Variants in CSF2RA observed in about 807,000 individuals in gnomAD.
CSF2RA encodes the protein granulocyte-macrophage colony-stimulating factor receptor subunit alpha.
CSF2RA carries 42 observed loss-of-function variants against 51.6 expected under a neutral mutation model. The observed-to-expected ratio is 0.81, with a 90% CI of 0.64 to 1.05. The LOEUF (loss-of-function observed/expected upper bound fraction) is 1.05. Among genes scored for constraint, CSF2RA ranks in the 50% least tolerant of loss-of-function variants. The pLI, the probability that CSF2RA is intolerant of heterozygous loss-of-function variation, is 0.00. For synonymous variants in CSF2RA, 222 were observed against 193.0 expected (o/e 1.15, Z -1.24); for missense variants, 530 against 501.1 (o/e 1.06, Z -0.55).
In CSF2RA at chrX:1,292,758, C is replaced by T. The variant is rs760835105; in HGVS notation, c.647-1570C>T. 2.6e-5 allele frequency among the ~76,000 whole-genome samples: 4 copies of T among 152,248 alleles called. No homozygotes were observed. The East Asian group carries it at 7.7e-4, about 29-fold the overall frequency. Reference sequence around the variant, plus strand: ...TGTACGATCGGGTTTTACACGGAGACATTCCATTCCCAGGGGCAGGCAGGA... The same window carrying T: ...TGTACGATCGGGTTTTACACGGAGATATTCCATTCCCAGGGGCAGGCAGGA... On this transcript the variant is annotated intron_variant, in intron 7 of 12. Transcript: ENST00000381529.
At chrX:1,318,434 A>T in the CSF2RA span, among the ~76,000 whole-genome samples, 2 of 149,412 alleles carry the variant, frequency 1.3e-5, no homozygotes, top group Non-Finnish European at 3.0e-5. Flanking sequence ...AAGTGCTGGG[A>T]TTACAGGCGT....
chrX:1,313,965 T>A (rs772491147), downstream of CSF2RA, among the ~76,000 whole-genome samples: 5 of 152,244 alleles, frequency 3.3e-5, no homozygotes, highest in East Asian at 9.6e-4. Flanking sequence ...CACTCCGGCC[T>A]GGGTGACAGG....
chrX:1,309,333 A>G, intron 12 of CSF2RA, 69 bp from the exon 13 acceptor site: 3 of 1,477,896 alleles, frequency 2.0e-6, no homozygotes, highest in Non-Finnish European at 1.9e-6. Flanking sequence ...AAAAGAAAAT[A>G]AACACAGCCC....
At chrX:1,289,943 TTG>T (rs2091214497) in intron 6 of CSF2RA, among the ~76,000 whole-genome samples, 2 of 151,574 alleles carry the variant, frequency 1.3e-5, no homozygotes, top group Non-Finnish European at 1.5e-5. Context: ...TTTTGTGTTT[TTG>T]TGTTTTGTTT....
intron 12 of CSF2RA, among the ~76,000 whole-genome samples, chrX:1,308,619 G>A (rs2083914634): frequency 1.3e-5 from 2 of 152,014 alleles, no homozygotes; most frequent in South Asian, 2.1e-4. Context: ...TGCCACATAG[G>A]TAACATCCTC....
chrX:1,309,317 G>C (rs1334336486), intron 12 of CSF2RA, 85 bp from the exon 13 acceptor site: 3 of 1,379,568 alleles, frequency 2.2e-6, no homozygotes, highest in African/African-American at 2.9e-5. Flanking sequence ...TCCGTCTCGA[G>C]GGAGAAAAAG....
intron 4 of CSF2RA, among the ~76,000 whole-genome samples, chrX:1,286,936 G>A (rs1233768059): frequency 5.3e-5 from 8 of 151,986 alleles, no homozygotes; most frequent in South Asian, 4.2e-4. Context: ...ACAGAAGAGC[G>A]GGGAGAGGGG....
At chrX:1,293,492 T>G (rs1253664389) in intron 7 of CSF2RA, among the ~76,000 whole-genome samples, 4 of 146,940 alleles carry the variant, frequency 2.7e-5, no homozygotes, top group Admixed American at 1.4e-4. Context: ...GTGCTGGGAT[T>G]ACAGGCGTGA....
the CSF2RA span, among the ~76,000 whole-genome samples, chrX:1,317,680 G>A: frequency 2.0e-5 from 3 of 150,636 alleles, no homozygotes; most frequent in South Asian, 2.1e-4. Context: ...TAACGTGCAC[G>A]CACAGAAGCC....
chrX:1,305,215 A>ACTCTTG (rs1197099104), intron 11 of CSF2RA, among the ~76,000 whole-genome samples: 16 of 139,600 alleles, frequency 1.1e-4, no homozygotes, highest in African/African-American at 3.8e-4. Flanking sequence ...GCTGGTCTCA[A>ACTCTTG]ACCTCAAGTG....
At chrX:1,292,893 C>A (rs1249920040) in intron 7 of CSF2RA, among the ~76,000 whole-genome samples, 2 of 152,074 alleles carry the variant, frequency 1.3e-5, no homozygotes. Context: ...TCCCACGAGG[C>A]CATATCTCAG....
At chrX:1,323,708 A>AC in the CSF2RA span, among the ~76,000 whole-genome samples, 1 of 150,490 alleles carries the variant, frequency 6.6e-6, no homozygotes, top group Non-Finnish European at 1.5e-5. Context: ...ACATAGTGAG[A>AC]CCCCCATCTC....
chrX:1,292,039 CAGG>C (rs1186849905), intron 7 of CSF2RA, among the ~76,000 whole-genome samples: 4 of 148,792 alleles, frequency 2.7e-5, no homozygotes, highest in African/African-American at 7.5e-5. Flanking sequence ...ACAGTGTAGA[CAGG>C]AGGAGACTGC....
chrX:1,320,901 G>A, the CSF2RA span, among the ~76,000 whole-genome samples: 7 of 151,120 alleles, frequency 4.6e-5, no homozygotes, highest in African/African-American at 9.7e-5. Context: ...GTACAGTGGC[G>A]CGATCTCAGC....
chrX:1,301,930 TTTTTA>T (rs2083003653), intron 10 of CSF2RA, among the ~76,000 whole-genome samples: 1 of 147,044 alleles, frequency 6.8e-6, no homozygotes, highest in Admixed American at 6.8e-5. Context: ...TTTTTTTTTT[TTTTTA>T]GATGGCGTTT....
At chrX:1,322,439 G>GTTTTT in the CSF2RA span, among the ~76,000 whole-genome samples, 133 of 120,554 alleles carry the variant, frequency 1.1e-3, 3 homozygotes, top group East Asian at 2.2e-3. Flanking sequence ...GTGTGTGTTT[G>GTTTTT]TTTTTTTTTT....
At chrX:1,323,706 A>C in the CSF2RA span, among the ~76,000 whole-genome samples, 1 of 151,650 alleles carries the variant, frequency 6.6e-6, no homozygotes, top group Non-Finnish European at 1.5e-5. Context: ...CAACATAGTG[A>C]GACCCCCATC....
rs1458857336 is a variant in CSF2RA at position 1,288,584 on chromosome X, G to C, written c.285G>C (p.Glu95Asp). Reference sequence around the variant, plus strand: ...GTCTGCATGAAGGAGTCACATTTGAGGTTCACGTGAATACTAGTCAAAGAG... The same window carrying C: ...GTCTGCATGAAGGAGTCACATTTGACGTTCACGTGAATACTAGTCAAAGAG... ...EICLHEGVTF[E>D]VHVNTSQRGF... Residue 95 changes from glutamate to aspartate, a missense_variant, in exon 5 of 13, where the codon GAG becomes GAC. Coordinates refer to ENST00000381529, the MANE Select transcript of CSF2RA (RefSeq NM_172245.4). 1.2e-6 allele frequency: 2 copies of C among 1,613,792 alleles called. No homozygotes were observed. The highest frequency in any genetic ancestry group is 2.2e-5 in the East Asian group (1 of 44,892).
At chrX:1,314,970 G>GCCCAACCCCAC (rs1569515166), downstream of CSF2RA, among the ~76,000 whole-genome samples, 2 of 112,604 alleles carry the variant, frequency 1.8e-5, 1 homozygote, top group East Asian at 4.3e-4. Flanking sequence ...CAACCCCACT[G>GCCCAACCCCAC]TGCCTGCCCA....
Sources: gnomAD v4.1 joint callset for allele counts (sites outside exome capture counted in the v4.1 genomes callset) on GRCh38, gnomAD v4.1.1 for gene constraint, MANE v1.5 for transcripts, NCBI Gene and HGNC (gene_info 2026-07-23, HGNC 2026-07-21) for gene names.